NCK1: variants seen among roughly 807,000 people sequenced by gnomAD.
NCK1 encodes NCK adaptor protein 1, also known as SH2/SH3 adapter protein NCK1.
NCK1 carries 19 observed loss-of-function variants against 36.6 expected under a neutral mutation model. The ratio of observed to expected loss-of-function variants is 0.52; its 90% CI spans 0.36 to 0.76. NCK1 has a LOEUF of 0.76. NCK1 is among the 30% of genes least tolerant of loss of function. NCK1 has a pLI of 0.00. For synonymous variants in NCK1, 165 were observed against 156.0 expected (o/e 1.06, Z -0.43); for missense variants, 358 against 445.6 (o/e 0.80, Z 1.77).
intron 1 of NCK1, among the ~76,000 whole-genome samples, chr3:136,926,878 T>A (rs1187953808): frequency 6.6e-6 from 1 of 152,246 alleles, no homozygotes; most frequent in Non-Finnish European, 1.5e-5. Flanking sequence ...TTTCATTTGT[T>A]TTCTATTTGG....
At chr3:136,887,516 T>C (rs1939105480) in intron 1 of NCK1, among the ~76,000 whole-genome samples, 1 of 152,210 alleles carries the variant, frequency 6.6e-6, no homozygotes, top group South Asian at 2.1e-4. Flanking sequence ...AAAGTTTATA[T>C]TTTCCTGTGC....
At chr3:136,881,580 ACAGTT>A (rs1938937144) in intron 1 of NCK1, among the ~76,000 whole-genome samples, 1 of 152,182 alleles carries the variant, frequency 6.6e-6, no homozygotes, top group South Asian at 2.1e-4. Context: ...TTTTAAGTAT[ACAGTT>A]CAGTATTAAG....
chr3:136,889,478 G>GC (rs1943049956), intron 1 of NCK1, among the ~76,000 whole-genome samples: 1 of 152,074 alleles, frequency 6.6e-6, no homozygotes, highest in Non-Finnish European at 1.5e-5. Context: ...CAAAGAGTAA[G>GC]CAGTAGCAAG....
chr3:136,893,147 A>AGTGTGTGT (rs142883729), intron 1 of NCK1, among the ~76,000 whole-genome samples: 12,099 of 41,756 alleles, frequency 0.29, 3,070 homozygotes, highest in Admixed American at 0.41. Context: ...AATATTCCAT[A>AGTGTGTGT]GTGTGTGTGT....
chr3:136,916,435 C>T (rs1391268511), intron 1 of NCK1, among the ~76,000 whole-genome samples: 1 of 152,110 alleles, frequency 6.6e-6, no homozygotes. Context: ...GTATCCACTC[C>T]CACAACCCAA....
At chr3:136,887,947 T>C (rs1008632439) in intron 1 of NCK1, among the ~76,000 whole-genome samples, 26 of 151,626 alleles carry the variant, frequency 1.7e-4, no homozygotes, top group Admixed American at 7.2e-4. Flanking sequence ...TTCTTTCTTT[T>C]TTTTTTTTTC....
chr3:136,864,174 T>A (rs1353755004), intron 1 of NCK1, among the ~76,000 whole-genome samples: 1 of 151,750 alleles, frequency 6.6e-6, no homozygotes, highest in Non-Finnish European at 1.5e-5. Context: ...TGCTTTCAGG[T>A]CCATCTAAAT....
chr3:136,880,752 G>T (rs1234468585), intron 1 of NCK1, among the ~76,000 whole-genome samples: 3 of 152,118 alleles, frequency 2.0e-5, no homozygotes, highest in African/African-American at 7.2e-5. Flanking sequence ...CCACCTAGGT[G>T]TGTGTGCCAC....
intron 1 of NCK1, among the ~76,000 whole-genome samples, chr3:136,914,863 A>C (rs1488412654): frequency 6.6e-6 from 1 of 152,100 alleles, no homozygotes; most frequent in Non-Finnish European, 1.5e-5. Flanking sequence ...ATCCCTCATA[A>C]TATATTACTG....
intron 1 of NCK1, among the ~76,000 whole-genome samples, chr3:136,869,981 C>G (rs968245376): frequency 7.4e-5 from 11 of 148,342 alleles, no homozygotes; most frequent in Non-Finnish European, 1.3e-4. Flanking sequence ...ATAAAACAAG[C>G]AGTGAAAATA....
chr3:136,931,742 T>TA (rs1940396184), intron 2 of NCK1, among the ~76,000 whole-genome samples: 1 of 152,182 alleles, frequency 6.6e-6, no homozygotes, highest in Admixed American at 6.5e-5. Context: ...TATATGATGA[T>TA]TGTTATTAAT....
intron 2 of NCK1, 93 bp from the exon 3 acceptor site, chr3:136,945,490 A>C: frequency 1.1e-6 from 1 of 869,800 alleles, no homozygotes; most frequent in Non-Finnish European, 1.7e-6. Flanking sequence ...ATCTATATAG[A>C]GTTGAAGATC....
intron 1 of NCK1, among the ~76,000 whole-genome samples, chr3:136,922,845 A>G (rs1477936926): frequency 6.6e-6 from 1 of 152,276 alleles, no homozygotes; most frequent in Non-Finnish European, 1.5e-5. Context: ...GTACACTAAC[A>G]GAAAATCAAA....
intron 1 of NCK1, among the ~76,000 whole-genome samples, chr3:136,904,056 G>A (rs1389405042): frequency 1.3e-5 from 2 of 152,000 alleles, no homozygotes; most frequent in Non-Finnish European, 2.9e-5. Context: ...CTCAGCTTTT[G>A]CTTGTTTGTG....
intron 1 of NCK1, among the ~76,000 whole-genome samples, chr3:136,893,198 A>ACACACACACACACACACCATATTT (rs1347213828): frequency 4.2e-4 from 55 of 132,026 alleles, no homozygotes; most frequent in South Asian, 7.6e-4. Flanking sequence ...ATATACACAC[A>ACACACACACACACACACCATATTT]TGTGCAAGTA....
chr3:136,929,609 T>A (rs1394423016), intron 2 of NCK1, among the ~76,000 whole-genome samples: 1 of 152,184 alleles, frequency 6.6e-6, no homozygotes. Flanking sequence ...GGAATTTATT[T>A]AAAGCATGAT....
At chr3:136,939,541 G>A (rs1173304233) in intron 2 of NCK1, among the ~76,000 whole-genome samples, 3 of 151,898 alleles carry the variant, frequency 2.0e-5, no homozygotes, top group East Asian at 1.9e-4. Flanking sequence ...TTAAATTTAA[G>A]TTGGTAATTC....
At chr3:136,879,989 T>TAA (rs891612999) in intron 1 of NCK1, among the ~76,000 whole-genome samples, 2 of 119,506 alleles carry the variant, frequency 1.7e-5, no homozygotes, top group Non-Finnish European at 1.7e-5. Context: ...TAAAGAATAT[T>TAA]AAAAAAAAAA....
chr3:136,891,616 G>T (rs1939247452), intron 1 of NCK1, among the ~76,000 whole-genome samples: 1 of 152,176 alleles, frequency 6.6e-6, no homozygotes, highest in South Asian at 2.1e-4. Context: ...CTGCCATATG[G>T]GTTTCCACAG....
Sources: allele counts gnomAD v4.1 joint callset (sites outside exome capture counted in the v4.1 genomes callset), GRCh38; gene constraint gnomAD v4.1.1; transcripts MANE v1.5; gene names NCBI Gene and HGNC (gene_info 2026-07-23, HGNC 2026-07-21).